ZSCAN5A: variants seen among roughly 807,000 people sequenced by gnomAD.
ZSCAN5A encodes zinc finger and SCAN domain-containing protein 5A.
In ZSCAN5A, 12 loss-of-function variants were observed where a neutral mutation model predicts 23.7. That is an observed-to-expected ratio of 0.51 (90% CI 0.32 to 0.82). The LOEUF (loss-of-function observed/expected upper bound fraction) is 0.82. Among genes scored for constraint, ZSCAN5A ranks in the 40% least tolerant of loss-of-function variants. The pLI is 0.03. For missense variants in ZSCAN5A, 597 were observed against 617.9 expected (o/e 0.97, Z 0.36); for synonymous variants, 257 against 239.9 (o/e 1.07, Z -0.66).
intron 2 of ZSCAN5A, chr19:56,320,313 G>C (rs939282348): frequency 2.5e-6 from 1 of 398,864 alleles, no homozygotes; most frequent in Non-Finnish European, 4.8e-6. Flanking sequence ...GATCACCTGA[G>C]GTCAGGAGTT....
chr19:56,269,949 T>A (rs568509082), intron 2 of ZSCAN5A, among the ~76,000 whole-genome samples: 100 of 152,192 alleles, frequency 6.6e-4, no homozygotes, highest in Admixed American at 1.4e-3. Context: ...TAATTTGTTA[T>A]GGTAGCAAGA....
Position 56,231,996 on chromosome 19 carries a change from C to CTTTTTTTTTTTTTTTTTTTTTTTTTTTT in ZSCAN5A, c.-127-6824_-127-6823insAAAAAAAAAAAAAAAAAAAAAAAAAAAA, listed in dbSNP as rs59525392. On this transcript the variant is annotated intron_variant, in intron 2 of 5. Coordinates refer to ENST00000683990, the MANE Select transcript of ZSCAN5A (RefSeq NM_001322064.3). ...TCTTTTTTCTTTCTTTTTTTCTTTT[C>CTTTTTTTTTTTTTTTTTTTTTTTTTTTT]TTTTTTTTTGAGACAGTGTCTTGCT... 1.8e-4 allele frequency among the ~76,000 whole-genome samples: 23 copies of CTTTTTTTTTTTTTTTTTTTTTTTTTTTT among 124,978 alleles called. 1 individual carries two copies. The highest frequency in any genetic ancestry group is 3.6e-4 in the Admixed American group (4 of 11,132). The allele number at this position is 124,978 out of a possible 152,430, so 82.0% of individuals were successfully genotyped here.
chr19:56,257,535 C>T (rs1177864805), intron 2 of ZSCAN5A, among the ~76,000 whole-genome samples: 1 of 147,732 alleles, frequency 6.8e-6, no homozygotes, highest in South Asian at 2.2e-4. Flanking sequence ...CACCACTGCC[C>T]ATCTTCTTAG....
rs796710044 is a variant in ZSCAN5A at position 56,355,696 on chromosome 19, T to G, written c.-358+7539A>C. Among the ~76,000 whole-genome samples, 8 of 149,208 alleles carry G rather than the reference T, an allele frequency of 5.4e-5. 1 individual carries two copies. Among genetic ancestry groups the G allele is most frequent in the African/African-American group, 2.0e-4 (8 of 39,772 alleles). On this transcript the variant is annotated intron_variant, in intron 2 of 6. Coordinates refer to the ZSCAN5A transcript ENST00000587340. ...TTTATTGGCAAATAGTGCAAGATGT[T>G]TGAAGCGCAGTTTGTGTGTGTTTAA...
At chr19:56,354,402 A>G (rs1421839548) in intron 2 of ZSCAN5A, 4 of 152,248 alleles carry the variant, frequency 2.6e-5, no homozygotes, top group Non-Finnish European at 4.4e-5. Flanking sequence ...TACCTCTAGA[A>G]TAAAGCATCA....
intron 2 of ZSCAN5A, among the ~76,000 whole-genome samples, chr19:56,238,230 T>A (rs917249849): frequency 4.0e-5 from 6 of 151,892 alleles, no homozygotes; most frequent in Non-Finnish European, 8.8e-5. Flanking sequence ...TAGTCCCCAC[T>A]ACTGGGGAGG....
At chr19:56,321,814 C>T (rs1385225056) in intron 2 of ZSCAN5A, 7 of 1,086,908 alleles carry the variant, frequency 6.4e-6, no homozygotes, top group South Asian at 1.2e-5. Context: ...ACTGCCACCA[C>T]TTGTAAACTG....
chr19:56,351,536 C>T lies in ZSCAN5A; in HGVS notation c.-358+11699G>A, dbSNP rs2041667271. ...TATAAGGGACTGTCTTTCTGTTGCG[C>T]ACAGGGTCTATCTCTGTTCCTTTCC... On this transcript the variant is annotated intron_variant, in intron 2 of 6. Transcript: ENST00000587340. This position sits in a 1 kb window ranked among gnomAD's most constrained non-coding sequence, Gnocchi z 4.8. 6.6e-6 allele frequency among the ~76,000 whole-genome samples: 1 copy of T among 152,168 alleles called. No individual in the cohort carries two copies. The highest frequency in any genetic ancestry group is 6.5e-5 in the Admixed American group (1 of 15,276).
At chr19:56,325,537 GA>G (rs1211229903) in intron 2 of ZSCAN5A, among the ~76,000 whole-genome samples, 2 of 152,106 alleles carry the variant, frequency 1.3e-5, no homozygotes, top group Admixed American at 1.3e-4. Context: ...ACTCTTGCAT[GA>G]CCTTTTATCC....
intron 2 of ZSCAN5A, among the ~76,000 whole-genome samples, chr19:56,326,097 TA>T (rs1361719132): frequency 1.3e-5 from 2 of 151,798 alleles, no homozygotes; most frequent in Non-Finnish European, 2.9e-5. Context: ...CACGCCCAGC[TA>T]ATTTTTTTTT....
At chr19:56,303,494 A>G (rs2040482197) in intron 2 of ZSCAN5A, among the ~76,000 whole-genome samples, 1 of 151,456 alleles carries the variant, frequency 6.6e-6, no homozygotes, top group African/African-American at 2.4e-5. Flanking sequence ...TAGAAAAAAA[A>G]AGAAGGAAAG....
chr19:56,348,845 C>A (rs559103767), intron 2 of ZSCAN5A, among the ~76,000 whole-genome samples: 1 of 152,286 alleles, frequency 6.6e-6, no homozygotes, highest in South Asian at 2.1e-4. Context: ...GCAGCTAAGT[C>A]AAAGGCATGA....
intron 2 of ZSCAN5A, among the ~76,000 whole-genome samples, chr19:56,277,677 G>T (rs1468490003): frequency 6.6e-6 from 1 of 152,040 alleles, no homozygotes; most frequent in Non-Finnish European, 1.5e-5. Context: ...CATGGTATGT[G>T]AATTATATCT....
At chr19:56,313,198 A>G in intron 2 of ZSCAN5A, 85 bp downstream of exon 2, 1 of 276,468 alleles carries the variant, frequency 3.6e-6, no homozygotes, top group Non-Finnish European at 7.2e-6. Flanking sequence ...AGACAGATGG[A>G]AGATGTATTA....
At chr19:56,359,093 A>G (rs956649649) in intron 2 of ZSCAN5A, among the ~76,000 whole-genome samples, 5 of 152,202 alleles carry the variant, frequency 3.3e-5, no homozygotes, top group South Asian at 4.1e-4. Flanking sequence ...ACTGAAGAAG[A>G]AAGAGACACA....
At chr19:56,298,729 C>CA (rs1258329633) in intron 2 of ZSCAN5A, among the ~76,000 whole-genome samples, 2 of 151,312 alleles carry the variant, frequency 1.3e-5, no homozygotes, top group African/African-American at 2.4e-5. Flanking sequence ...TTACCACACA[C>CA]AAAAAAGTCT....
chr19:56,227,536 A>C (rs1202930788), intron 2 of ZSCAN5A, among the ~76,000 whole-genome samples: 1 of 152,206 alleles, frequency 6.6e-6, no homozygotes, highest in Non-Finnish European at 1.5e-5. Context: ...CCTAGAAATC[A>C]CTTTGTATTT....
Position 56,221,456 on chromosome 19 carries a change from C to G in ZSCAN5A, c.*119G>C. On this transcript the variant is annotated 3_prime_UTR_variant, in exon 6 of 6. Transcript: ENST00000683990. ...ACTCAAACATCCTGGCAATTCATAT[C>G]TAGGGCACTCCCTCTGTGTGTCAGA... is the stretch of plus-strand genomic sequence containing the variant. 1.6e-6 allele frequency: 2 copies of G among 1,288,292 alleles called. No individual in the cohort carries two copies. Among genetic ancestry groups the G allele is most frequent in the Non-Finnish European group, 2.1e-6 (2 of 937,136 alleles). 79.8% of individuals were successfully genotyped at this position (1,288,292 alleles called of 1,614,324 possible).
At chr19:56,267,466 G>A (rs551883507) in intron 2 of ZSCAN5A, among the ~76,000 whole-genome samples, 12 of 152,314 alleles carry the variant, frequency 7.9e-5, no homozygotes, top group African/African-American at 2.9e-4. Flanking sequence ...GATTTACCAC[G>A]TAGCTATTTA....
Sources: allele counts gnomAD v4.1 joint callset (sites outside exome capture counted in the v4.1 genomes callset), GRCh38; gene constraint gnomAD v4.1.1; non-coding constraint Gnocchi (gnomAD v3.1); transcripts MANE v1.5; gene names NCBI Gene and HGNC (gene_info 2026-07-23, HGNC 2026-07-21).